The following ABCB5 variants were observed in gnomAD, a reference collection of about 807,000 sequenced individuals.
ABCB5 encodes ATP-binding cassette sub-family B member 5.
In ABCB5, 155 loss-of-function variants were observed where a neutral mutation model predicts 144.2. That is an observed-to-expected ratio of 1.08 (90% CI 0.94 to 1.23). The LOEUF (loss-of-function observed/expected upper bound fraction) is 1.23, where lower values mean the gene tolerates loss of function less well. Ranked by LOEUF, ABCB5 falls within the 50% of genes most tolerant of loss-of-function variation. The probability of loss-of-function intolerance (pLI) is 0.00; values close to 1 mark genes in which losing one functional copy is unlikely to be tolerated. For synonymous variants in ABCB5, 610 were observed against 528.6 expected (o/e 1.15, Z -2.11); for missense variants, 1,830 against 1,520.8 (o/e 1.20, Z -3.38).
At chr7:20,732,489 T>G (rs879717660) in intron 23 of ABCB5, among the ~76,000 whole-genome samples, 1 of 152,192 alleles carries the variant, frequency 6.6e-6, no homozygotes, top group Non-Finnish European at 1.5e-5. Context: ...AACAAGTGGG[T>G]GGCACATAAC....
chr7:20,752,413 G>A (rs973026857), intron 26 of ABCB5, among the ~76,000 whole-genome samples: 10 of 152,218 alleles, frequency 6.6e-5, no homozygotes, highest in African/African-American at 2.4e-4. Flanking sequence ...CAAGATTTGT[G>A]TGAAATTTTC....
intron 13 of ABCB5, 133 bp downstream of exon 13, chr7:20,651,756 C>A: frequency 1.1e-6 from 1 of 909,414 alleles, no homozygotes; most frequent in Non-Finnish European, 1.6e-6. Flanking sequence ...CTAGAACAAG[C>A]TTGTCCAACC....
Position 20,647,767 on chromosome 7 carries a change from T to C in ABCB5, c.1095+119T>C, listed in dbSNP as rs532522691. On this transcript the variant is annotated intron_variant, in intron 10 of 27. Coordinates refer to ENST00000404938, the MANE Select transcript of ABCB5 (RefSeq NM_001163941.2). The stretch of plus-strand genomic sequence containing the variant: ...GGACAAATTTAATGTTGGCCAGTTG[T>C]TTATGGGAAAGAGAGACTGCCTTTA... 4 of 1,439,440 alleles carry C rather than the reference T, an allele frequency of 2.8e-6. No homozygotes were observed. In the East Asian group the frequency reaches 9.9e-5, roughly 36 times the overall value. 89.2% of individuals were successfully genotyped at this position (1,439,440 alleles called of 1,614,324 possible).
intron 14 of ABCB5, among the ~76,000 whole-genome samples, chr7:20,668,953 C>A (rs1785345128): frequency 1.8e-5 from 2 of 108,714 alleles, no homozygotes; most frequent in Admixed American, 8.7e-5. Flanking sequence ...GCCCGGCCAG[C>A]CGCCCCGTCC....
chr7:20,650,420 TA>T (rs1216691091), intron 12 of ABCB5, among the ~76,000 whole-genome samples: 1 of 152,004 alleles, frequency 6.6e-6, no homozygotes, highest in Non-Finnish European at 1.5e-5. Flanking sequence ...AGGCAGACAA[TA>T]AAAAAATAAG....
intron 15 of ABCB5, among the ~76,000 whole-genome samples, chr7:20,682,965 G>T (rs930718200): frequency 1.3e-5 from 2 of 152,148 alleles, no homozygotes; most frequent in African/African-American, 4.8e-5. Context: ...TCTCTTCTTT[G>T]TTCTCGCCCA....
rs188096722 is a variant in ABCB5 at position 20,634,854 on chromosome 7, G to T, written c.314+2741G>T. 2.6e-4 allele frequency among the ~76,000 whole-genome samples: 39 copies of T among 152,176 alleles called. 1 individual carries two copies. Among genetic ancestry groups the T allele is most frequent in the Admixed American group, 2.5e-3 (38 of 15,260 alleles). On this transcript the variant is annotated intron_variant, in intron 5 of 27. Coordinates refer to ENST00000404938, the MANE Select transcript of ABCB5 (RefSeq NM_001163941.2). Reference sequence around the variant, plus strand: ...GGCAAATATTTTCTCCCATTCTGCAGGTTGTCTTTTCACTCTGTTGATTAT... The same window carrying T: ...GGCAAATATTTTCTCCCATTCTGCATGTTGTCTTTTCACTCTGTTGATTAT...
intron 5 of ABCB5, among the ~76,000 whole-genome samples, chr7:20,633,394 C>T (rs948320044): frequency 3.3e-5 from 5 of 151,948 alleles, no homozygotes; most frequent in African/African-American, 9.7e-5. Context: ...TCTTTTCCCC[C>T]CAAAATGAAG....
chr7:20,624,152 T>C (rs1444432422), intron 2 of ABCB5, among the ~76,000 whole-genome samples: 1 of 152,212 alleles, frequency 6.6e-6, no homozygotes, highest in Non-Finnish European at 1.5e-5. Context: ...TGCCCCAGCA[T>C]CCTGGTGTAA....
intron 7 of ABCB5, among the ~76,000 whole-genome samples, chr7:20,645,516 T>A (rs1054163753): frequency 1.3e-5 from 2 of 152,218 alleles, no homozygotes; most frequent in African/African-American, 2.4e-5. Flanking sequence ...ATGGGACATA[T>A]AATGGAGAAA....
Position 20,717,647 on chromosome 7 carries a change from A to T in ABCB5, c.2422-5369A>T, listed in dbSNP as rs28411345. On this transcript the variant is annotated intron_variant, in intron 20 of 27. Coordinates refer to ENST00000404938, the MANE Select transcript of ABCB5 (RefSeq NM_001163941.2). Reference sequence around the variant, plus strand: ...AGAGATGAGGTTTCACCATGTTGATAAGGCTGGTCTCAGACTCCTGACCTC... The same window carrying T: ...AGAGATGAGGTTTCACCATGTTGATTAGGCTGGTCTCAGACTCCTGACCTC... 8.0e-3 allele frequency among the ~76,000 whole-genome samples: 1,218 copies of T among 151,406 alleles called. 18 individuals carry two copies. The highest frequency in any genetic ancestry group is 0.031 in the Middle Eastern group (9 of 294).
chr7:20,633,214 T>G (rs964167884), intron 5 of ABCB5, among the ~76,000 whole-genome samples: 2 of 152,080 alleles, frequency 1.3e-5, no homozygotes, highest in African/African-American at 4.8e-5. Flanking sequence ...ATAAATAATT[T>G]ATAAGGATGT....
At chr7:20,671,967 C>T (rs1785468569) in intron 14 of ABCB5, among the ~76,000 whole-genome samples, 1 of 152,202 alleles carries the variant, frequency 6.6e-6, no homozygotes, top group African/African-American at 2.4e-5. Flanking sequence ...AACTTGCCCA[C>T]ACTTCATATG....
At chr7:20,712,715 T>A (rs1242441736) in intron 20 of ABCB5, among the ~76,000 whole-genome samples, 1 of 149,668 alleles carries the variant, frequency 6.7e-6, no homozygotes, top group Non-Finnish European at 1.5e-5. Context: ...TGGACTTTTT[T>A]ATAGCTTCCT....
intron 1 of ABCB5, among the ~76,000 whole-genome samples, chr7:20,620,474 T>G (rs1562524732): frequency 6.6e-6 from 1 of 151,890 alleles, no homozygotes; most frequent in African/African-American, 2.4e-5. Context: ...ATCCACATAA[T>G]AAAACAAAAT....
At chr7:20,734,490 G>T (rs886705710) in intron 23 of ABCB5, among the ~76,000 whole-genome samples, 2 of 150,558 alleles carry the variant, frequency 1.3e-5, no homozygotes, top group African/African-American at 4.9e-5. Context: ...TTACTCCAAG[G>T]CATAATTTAT....
At chr7:20,686,970 T>A (rs1786023346) in intron 16 of ABCB5, among the ~76,000 whole-genome samples, 1 of 152,220 alleles carries the variant, frequency 6.6e-6, no homozygotes, top group South Asian at 2.1e-4. Flanking sequence ...TCCTTTTAGG[T>A]ATGTGGTCCT....
At chr7:20,651,669 C>A in intron 13 of ABCB5, 46 bp downstream of exon 13, 1 of 1,573,966 alleles carries the variant, frequency 6.4e-7, no homozygotes, top group Non-Finnish European at 8.7e-7. Context: ...GGTGGCAGCG[C>A]TGCGACATTC....
chr7:20,679,471 C>CAGAAAAA (rs1554283857), intron 14 of ABCB5, among the ~76,000 whole-genome samples: 1 of 59,454 alleles, frequency 1.7e-5, no homozygotes, highest in Non-Finnish European at 2.8e-5. Context: ...AACTCCATCT[C>CAGAAAAA]AAAAAAAAAA....
Sources: allele counts gnomAD v4.1 joint callset (sites outside exome capture counted in the v4.1 genomes callset), GRCh38; gene constraint gnomAD v4.1.1; transcripts MANE v1.5; gene names NCBI Gene and HGNC (gene_info 2026-07-23, HGNC 2026-07-21).